The following FAM222A variants were observed in gnomAD, a reference collection of about 807,000 sequenced individuals.
The protein encoded by FAM222A is family with sequence similarity 222 member A.
A neutral mutation model predicts 25.8 loss-of-function variants in FAM222A; 7 were observed. The observed-to-expected ratio is 0.27, with a 90% CI of 0.15 to 0.51. The LOEUF is 0.51. Ranked by LOEUF, FAM222A falls within the 20% of genes least tolerant of loss-of-function variation. The pLI is 0.97. For missense variants in FAM222A, 573 were observed against 640.5 expected (o/e 0.89, Z 1.14); for synonymous variants, 294 against 298.8 (o/e 0.98, Z 0.17).
intron 1 of FAM222A, among the ~76,000 whole-genome samples, chr12:109,715,874 C>T (rs2136312646): frequency 6.6e-6 from 1 of 152,296 alleles, no homozygotes; most frequent in South Asian, 2.1e-4. Context: ...GGCCTCCGGC[C>T]CTCCAATAGG....
intron 2 of FAM222A, among the ~76,000 whole-genome samples, chr12:109,751,833 T>G (rs1888566732): frequency 6.6e-6 from 1 of 152,216 alleles, no homozygotes; most frequent in African/African-American, 2.4e-5. Flanking sequence ...TGTGGCCCTT[T>G]TTTCTGCTTC....
intron 2 of FAM222A, among the ~76,000 whole-genome samples, chr12:109,767,352 A>G (rs868285770): frequency 6.6e-6 from 1 of 151,706 alleles, no homozygotes; most frequent in Non-Finnish European, 1.5e-5. Flanking sequence ...ACGTGGCGCA[A>G]CCCCGTCTCT....
intron 1 of FAM222A, among the ~76,000 whole-genome samples, chr12:109,736,640 C>T (rs1888094817): frequency 6.6e-6 from 1 of 152,212 alleles, no homozygotes; most frequent in African/African-American, 2.4e-5. Context: ...CAGGGTCTGT[C>T]ACTGCCCCAG....
chr12:109,729,620 C>T (rs541853350), intron 1 of FAM222A, among the ~76,000 whole-genome samples: 6 of 152,390 alleles, frequency 3.9e-5, no homozygotes, highest in African/African-American at 7.2e-5. Context: ...GCATAGAAGC[C>T]GCTGCAGCAA....
intron 2 of FAM222A, among the ~76,000 whole-genome samples, chr12:109,748,119 A>T (rs1888453303): frequency 6.6e-6 from 1 of 152,176 alleles, no homozygotes. Context: ...AAGACTTTTC[A>T]GTGTTTATGA....
At chr12:109,723,080 C>T (rs1324013406) in intron 1 of FAM222A, among the ~76,000 whole-genome samples, 1 of 151,994 alleles carries the variant, frequency 6.6e-6, no homozygotes, top group East Asian at 1.9e-4. Flanking sequence ...TTTCCCAAAG[C>T]CAAATGATGC....
At chr12:109,754,024 C>A (rs1199956593) in intron 2 of FAM222A, among the ~76,000 whole-genome samples, 6 of 152,176 alleles carry the variant, frequency 3.9e-5, no homozygotes, top group Non-Finnish European at 8.8e-5. Flanking sequence ...AGATAGATCT[C>A]AACCCTGTTT....
rs1448761510 is a variant in FAM222A at position 109,770,199 on chromosome 12, T to C, written c.*911T>C. On this transcript the variant is annotated 3_prime_UTR_variant, in exon 3 of 3. Coordinates refer to ENST00000538780, the MANE Select transcript of FAM222A (RefSeq NM_032829.3). ...CTCTTGGGACCCTCCTGGTTTTAAC[T>C]GGGAGGCCCAGACCAACTCCTTTCC... 6.6e-6 allele frequency: 1 copy of C among 152,534 alleles called. No homozygotes were observed. The highest frequency in any genetic ancestry group is 1.5e-5 in the Non-Finnish European group (1 of 68,044). The allele number at this position is 152,534 out of a possible 1,614,324, so 9.4% of individuals were successfully genotyped here.
In FAM222A at chr12:109,769,443, G is replaced by A. The variant is rs375939363; in HGVS notation, c.*155G>A. On this transcript the variant is annotated 3_prime_UTR_variant, in exon 3 of 3. Coordinates refer to ENST00000538780, the MANE Select transcript of FAM222A (RefSeq NM_032829.3). ...GGCTGGCTGCCGCCTCGCTGTGGCC[G>A]GATGGAGGGTGGCAGGGCAACCTCA... 1.4e-4 allele frequency: 135 copies of A among 978,322 alleles called. No homozygotes were observed. Among genetic ancestry groups the A allele is most frequent in the African/African-American group, 6.2e-4 (38 of 60,982 alleles). The allele number at this position is 978,322 out of a possible 1,614,324, so 60.6% of individuals were successfully genotyped here.
rs1275714761 is a variant in FAM222A at position 109,768,321 on chromosome 12, G to A, written c.392G>A (p.Gly131Asp). ...PAKSVLKSAE[G>D]KRTKLSPAAV... The stretch of plus-strand genomic sequence containing the variant: ...AAAAGTGTGCTCAAGAGCGCCGAGG[G>A]CAAGCGGACCAAGCTGTCACCGGCC... Residue 131 changes from glycine (G) to aspartate (D), a missense_variant, in exon 3 of 3, where the codon GGC (glycine) becomes GAC (aspartate). Physicochemically the swap from Gly to Asp is moderately conservative, Grantham distance 94 (BLOSUM62 -1). This residue lies in a region of FAM222A where 412 missense variants were observed against 407.0 expected (regional missense o/e 1.01). Transcript: ENST00000538780. The A allele has an allele frequency of 6.2e-7, 1 of 1,602,968 alleles. No homozygotes were observed. Among genetic ancestry groups the A allele is most frequent in the Admixed American group, 1.7e-5 (1 of 58,958 alleles).
intron 1 of FAM222A, among the ~76,000 whole-genome samples, chr12:109,743,206 T>C (rs10735093): frequency 0.8 from 121,848 of 152,102 alleles, 49,018 homozygotes; most frequent in Middle Eastern, 0.83. Context: ...CACCCTCCCA[T>C]TGGGGCCTCA....
chr12:109,746,543 C>G (rs1394929464), intron 2 of FAM222A, among the ~76,000 whole-genome samples: 1 of 151,806 alleles, frequency 6.6e-6, no homozygotes. Context: ...TTATTGGGTA[C>G]AAAGTGTGAG....
chr12:109,759,027 C>T (rs934640216), intron 2 of FAM222A, among the ~76,000 whole-genome samples: 3 of 152,198 alleles, frequency 2.0e-5, no homozygotes, highest in Admixed American at 1.3e-4. Context: ...TCCCTTCTAC[C>T]GTCCAGAAAG....
chr12:109,765,863 G>T (rs1889034388), intron 2 of FAM222A, among the ~76,000 whole-genome samples: 1 of 152,244 alleles, frequency 6.6e-6, no homozygotes, highest in Non-Finnish European at 1.5e-5. Context: ...TCTCTGGGCA[G>T]ATGGGGAAGG....
chr12:109,764,285 C>T (rs575215775), intron 2 of FAM222A, among the ~76,000 whole-genome samples: 9 of 150,174 alleles, frequency 6.0e-5, no homozygotes, highest in Non-Finnish European at 1.0e-4. Context: ...CCAAAATGAG[C>T]TTCTGTATTA....
chr12:109,719,954 C>A, intron 1 of FAM222A: 1 of 331,936 alleles, frequency 3.0e-6, no homozygotes, highest in Non-Finnish European at 4.3e-6. Flanking sequence ...TGCACTCTCA[C>A]TGGCTGTGTC....
Position 109,768,967 on chromosome 12 carries a change from G to T in FAM222A, c.1038G>T (p.Ala346=), listed in dbSNP as rs372613814. The stretch of plus-strand genomic sequence containing the variant: ...GCTTCACCGTAGGCCAGTACTTTGC[G>T]GCCCCGTGGAACAGTGTGCTGGTGA... ...PTSFTVGQYF[A]APWNSVLVTP... The change falls in exon 3 of 3, where the codon GCG becomes GCT. Residue 346 remains alanine, a synonymous_variant. Coordinates refer to ENST00000538780, the MANE Select transcript of FAM222A (RefSeq NM_032829.3). 1 of 1,571,378 alleles carries T rather than the reference G, an allele frequency of 6.4e-7. No homozygotes were observed. The highest frequency in any genetic ancestry group is 1.2e-5 in the South Asian group (1 of 86,898).
At chr12:109,724,011 A>T (rs1161192800) in intron 1 of FAM222A, among the ~76,000 whole-genome samples, 1 of 152,238 alleles carries the variant, frequency 6.6e-6, no homozygotes, top group Non-Finnish European at 1.5e-5. Context: ...TTCTAGCTGG[A>T]AGCAAGCACA....
At chr12:109,738,773 G>T (rs1289974001) in intron 1 of FAM222A, among the ~76,000 whole-genome samples, 4 of 152,278 alleles carry the variant, frequency 2.6e-5, no homozygotes. Flanking sequence ...TACACAGCTG[G>T]ATTAAGTTTG....
Sources: gnomAD v4.1 joint callset for allele counts (sites outside exome capture counted in the v4.1 genomes callset) on GRCh38, gnomAD v4.1.1 for gene constraint, gnomAD v4.1.1 regional missense constraint, MANE v1.5 for transcripts, NCBI Gene and HGNC (gene_info 2026-07-23, HGNC 2026-07-21) for gene names.